TMEM94: variants seen among roughly 807,000 people sequenced by gnomAD.
TMEM94 encodes ER Mg2+ ATPase.
A neutral mutation model predicts 158.6 loss-of-function variants in TMEM94; 81 were observed. That is an observed-to-expected ratio of 0.51 (90% CI 0.43 to 0.61). The LOEUF (loss-of-function observed/expected upper bound fraction) is 0.61. Among genes scored for constraint, TMEM94 ranks in the 20% least tolerant of loss-of-function variants. The pLI is 0.00. For synonymous variants in TMEM94, 751 were observed against 730.7 expected, an observed-to-expected ratio of 1.03 and a Z score of -0.45; for missense variants, 1,435 against 1,762.0, an observed-to-expected ratio of 0.81 and a Z score of 3.32.
intron 1 of TMEM94, among the ~76,000 whole-genome samples, chr17:75,457,981 AG>A (rs2049946223): frequency 6.6e-6 from 1 of 152,176 alleles, no homozygotes; most frequent in African/African-American, 2.4e-5. Flanking sequence ...GGCAATGACT[AG>A]GGTCTTCATA....
At chr17:75,483,950 C>G (rs889697519) in intron 2 of TMEM94, among the ~76,000 whole-genome samples, 4 of 152,122 alleles carry the variant, frequency 2.6e-5, no homozygotes, top group African/African-American at 9.7e-5. Flanking sequence ...GGTAACGTGT[C>G]CTAGGTGGCC....
In TMEM94 at chr17:75,499,102, C is replaced by T; in HGVS notation, c.3998+20C>T. 1.9e-6 allele frequency: 3 copies of T among 1,574,612 alleles called. No individual in the cohort carries two copies. Among genetic ancestry groups the T allele is most frequent in the South Asian group, 2.3e-5 (2 of 86,810 alleles). On this transcript the variant is annotated intron_variant, in intron 31 of 31. Transcript: ENST00000314256. Reference sequence around the variant, plus strand: ...GATTCGGTGAGCTGTCAGCAGGGCGCCTCCCTCTGGGCTCAGGCATGTTCC... The same window carrying T: ...GATTCGGTGAGCTGTCAGCAGGGCGTCTCCCTCTGGGCTCAGGCATGTTCC...
At chr17:75,488,186 G>A (rs1165143791) in intron 6 of TMEM94, 52 bp downstream of exon 6, 1 of 1,568,952 alleles carries the variant, frequency 6.4e-7, no homozygotes, top group East Asian at 2.2e-5. Flanking sequence ...ACATCCACAG[G>A]CAACGATGGG....
At chr17:75,482,311 A>T (rs1598369492) in intron 2 of TMEM94, among the ~76,000 whole-genome samples, 1 of 151,654 alleles carries the variant, frequency 6.6e-6, no homozygotes, top group Non-Finnish European at 1.5e-5. Flanking sequence ...GCGCCACTGC[A>T]CTCCAGCCTG....
Position 75,487,882 on chromosome 17 carries a change from G to T in TMEM94, c.410-50G>T. 1 of 1,509,366 alleles carries T rather than the reference G, an allele frequency of 6.6e-7. No homozygotes were observed. The highest frequency in any genetic ancestry group is 1.1e-5 in the South Asian group (1 of 87,770). 93.5% of individuals were successfully genotyped at this position (1,509,366 alleles called of 1,614,324 possible). The stretch of plus-strand genomic sequence containing the variant: ...GGAAGTGCTGCTGTATCTGACTGGG[G>T]GGCAGGGCCGTGGCTGAGAGGGTTG... On this transcript the variant is annotated intron_variant, in intron 5 of 31. Transcript: ENST00000314256. The surrounding 1 kb of genome is among the most constrained non-coding windows in gnomAD (Gnocchi z 4.6).
At chr17:75,482,524 ATATG>A (rs57220539) in intron 2 of TMEM94, among the ~76,000 whole-genome samples, 70,305 of 144,762 alleles carry the variant, frequency 0.49, 18,504 homozygotes, top group Non-Finnish European at 0.61. Flanking sequence ...AAATATATAT[ATATG>A]TATGTATGTA....
Position 75,495,042 on chromosome 17 carries a change from C to T in TMEM94, c.2728+8C>T, listed in dbSNP as rs2052551452. ...ATGATGACCTGAATCAGGGTAAGGGCAAAGGCGTGGGGTGGGGACGGGGTG... is the reference window on the plus strand; with the variant it reads ...ATGATGACCTGAATCAGGGTAAGGGTAAAGGCGTGGGGTGGGGACGGGGTG... On this transcript the variant is annotated splice_region_variant and intron_variant, in intron 20 of 31. Coordinates refer to ENST00000314256, the MANE Select transcript of TMEM94 (RefSeq NM_014738.6). This position sits in a 1 kb window ranked among gnomAD's most constrained non-coding sequence, Gnocchi z 5.6. 1 of 777,918 alleles carries T rather than the reference C, an allele frequency of 1.3e-6. No individual in the cohort carries two copies. The allele number at this position is 777,918 out of a possible 1,614,324, so 48.2% of individuals were successfully genotyped here. A position where few individuals can be genotyped will look rare whatever the true frequency, so the allele number is the denominator to read the frequency against.
In TMEM94 at chr17:75,471,838, G is replaced by A. The variant is rs957346181; in HGVS notation, c.-68G>A. On this transcript the variant is annotated 5_prime_UTR_variant, in exon 2 of 32. The change abolishes an upstream ATG in the 5' untranslated region. Coordinates refer to ENST00000314256, the MANE Select transcript of TMEM94 (RefSeq NM_014738.6). ...GACAGACTCACTGGGGTTTGTACAT[G>A]CTGGGGAGGAGCCTTCCTTTCAGGG... The A allele has an allele frequency of 5.2e-6, 8 of 1,542,378 alleles. No homozygotes were observed. The highest frequency in any genetic ancestry group is 7.2e-6 in the Non-Finnish European group (8 of 1,115,890).
chr17:75,465,673 A>ATTTTTTTTTTTTTT (rs1567908078), intron 1 of TMEM94, among the ~76,000 whole-genome samples: 3 of 80,438 alleles, frequency 3.7e-5, no homozygotes, highest in African/African-American at 1.4e-4. Context: ...ATATATATAT[A>ATTTTTTTTTTTTTT]TATATATTTT....
In TMEM94 at chr17:75,462,620, T is replaced by C. The variant is rs186790278; in HGVS notation, c.-107+5869T>C. On this transcript the variant is annotated intron_variant, in intron 1 of 31. Transcript: ENST00000314256. ...ACTTTGGGAGGCCAAGATGGGAAAATCGCTTGAGGCCAGGAGTTCGAGACC... is the reference window on the plus strand; with the variant it reads ...ACTTTGGGAGGCCAAGATGGGAAAACCGCTTGAGGCCAGGAGTTCGAGACC... Among the ~76,000 whole-genome samples the C allele has an allele frequency of 4.4e-4, 66 of 151,164 alleles. No homozygotes were observed. The Middle Eastern group carries it at 0.014, about 31-fold the overall frequency.
chr17:75,465,655 T>TTATA (rs1555621311), intron 1 of TMEM94, among the ~76,000 whole-genome samples: 7 of 98,854 alleles, frequency 7.1e-5, no homozygotes, highest in South Asian at 2.9e-4. Flanking sequence ...ATAAGAATTT[T>TTATA]TATATATATA....
At position 75,493,103 on chromosome 17, in the gene TMEM94, G is replaced by A. The variant is rs747787371; in HGVS notation, c.2086+1G>A. ...CTCTTCATTAAAGACACCACCACCA[G>A]TGAGCCCTGGCTACGTTGGCCAGCA... On this transcript the variant is annotated splice_donor_variant, in intron 16 of 31. Transcript: ENST00000314256. LOFTEE classifies it high-confidence loss of function. 6.2e-7 allele frequency: 1 copy of A among 1,612,610 alleles called. No individual in the cohort carries two copies.
intron 11 of TMEM94, 30 bp downstream of exon 11, chr17:75,490,788 C>G: frequency 6.3e-7 from 1 of 1,599,480 alleles, no homozygotes; most frequent in South Asian, 1.1e-5. Flanking sequence ...TGGCTTCTCT[C>G]GCAGGTCCCT....
chr17:75,497,974 C>A, intron 27 of TMEM94, 112 bp downstream of exon 27: 1 of 1,187,144 alleles, frequency 8.4e-7, no homozygotes, highest in Non-Finnish European at 1.2e-6. Context: ...TCCAGCAGAA[C>A]TCCGGCACTT....
chr17:75,498,381 T>G lies in TMEM94; in HGVS notation c.3638+58T>G. The G allele has an allele frequency of 6.2e-7, 1 of 1,611,002 alleles. No homozygotes were observed. The highest frequency in any genetic ancestry group is 1.7e-5 in the Admixed American group (1 of 59,962). On this transcript the variant is annotated intron_variant, in intron 28 of 31. Coordinates refer to ENST00000314256, the MANE Select transcript of TMEM94 (RefSeq NM_014738.6). This position sits in a 1 kb window ranked among gnomAD's most constrained non-coding sequence, Gnocchi z 6.7. ...CTGCCTCGCCTCGAGGCTTCCTCCC[T>G]CCCCACCCCAGCCTACCTCCCTGCG...
chr17:75,492,833 C>T lies in TMEM94; in HGVS notation c.1912+44C>T. On this transcript the variant is annotated intron_variant, in intron 15 of 31. Transcript: ENST00000314256. The surrounding 1 kb of genome is among the most constrained non-coding windows in gnomAD (Gnocchi z 4.4). The stretch of plus-strand genomic sequence containing the variant: ...GGGGATGGCTGGCTGGACCCGCCTC[C>T]TAGAAGAGGCCCAGTACCAACTCCT... The T allele has an allele frequency of 6.3e-7, 1 of 1,584,558 alleles. No homozygotes were observed. Among genetic ancestry groups the T allele is most frequent in the Non-Finnish European group, 8.6e-7 (1 of 1,165,174 alleles).
chr17:75,485,984 A>C lies in TMEM94; in HGVS notation c.258A>C (p.Gly86=). 1 of 1,610,394 alleles carries C rather than the reference A, an allele frequency of 6.2e-7. No individual in the cohort carries two copies. The highest frequency in any genetic ancestry group is 8.5e-7 in the Non-Finnish European group (1 of 1,179,046). ...TGCTGCTGCTGGGCTGCTGCGGGGG[A>C]CAGCCAGCCGGGAGGTGTGCGCCCA... ...AVLLLLGCCG[G]QPAGSRGVGL... The change falls in exon 4 of 32, where the codon GGA becomes GGC. Residue 86 remains glycine (G), a synonymous_variant. Coordinates refer to ENST00000314256, the MANE Select transcript of TMEM94 (RefSeq NM_014738.6). This position sits in a 1 kb window ranked among gnomAD's most constrained non-coding sequence, Gnocchi z 5.5.
intron 10 of TMEM94, 80 bp from the exon 11 acceptor site, chr17:75,490,622 G>GC (rs900618623): frequency 2.0e-5 from 27 of 1,325,046 alleles, no homozygotes; most frequent in East Asian, 4.6e-5. Context: ...GCTGGTGTGG[G>GC]CCCCCCCTCT....
intron 2 of TMEM94, among the ~76,000 whole-genome samples, chr17:75,477,245 G>T (rs1429970132): frequency 1.3e-5 from 2 of 152,208 alleles, no homozygotes; most frequent in African/African-American, 4.8e-5. Context: ...AAAGGAGGAA[G>T]CAGCTCTGCT....
Sources: allele counts gnomAD v4.1 joint callset (sites outside exome capture counted in the v4.1 genomes callset), GRCh38; gene constraint gnomAD v4.1.1; non-coding constraint Gnocchi (gnomAD v3.1); transcripts MANE v1.5; gene names NCBI Gene and HGNC (gene_info 2026-07-23, HGNC 2026-07-21).